Variants in COL14A1 observed in about 807,000 individuals in gnomAD.
The protein encoded by COL14A1 is collagen alpha-1(XIV) chain.
COL14A1 carries 136 observed loss-of-function variants against 230.3 expected under a neutral mutation model. The observed-to-expected ratio is 0.59, with a 90% CI of 0.51 to 0.68. The LOEUF (loss-of-function observed/expected upper bound fraction) is 0.68. Among genes scored for constraint, COL14A1 ranks in the 30% least tolerant of loss-of-function variants. COL14A1 has a pLI of 0.00. For missense variants in COL14A1, 1,976 were observed against 2,215.8 expected (o/e 0.89, Z 2.17); for synonymous variants, 792 against 784.1 (o/e 1.01, Z -0.17).
chr8:120,333,034 T>C (rs180729058), intron 42 of COL14A1, among the ~76,000 whole-genome samples: 45 of 152,358 alleles, frequency 3.0e-4, no homozygotes, highest in Admixed American at 2.2e-3. Flanking sequence ...TCTCCAGAGA[T>C]TGGGTACAAC....
At chr8:120,266,030 A>G (rs1819491888) in intron 24 of COL14A1, among the ~76,000 whole-genome samples, 1 of 152,076 alleles carries the variant, frequency 6.6e-6, no homozygotes, top group Non-Finnish European at 1.5e-5. Context: ...TGAGTATTAA[A>G]CTGGGATAGC....
At chr8:120,196,650 G>T (rs759316224) in intron 5 of COL14A1, 141 bp from the exon 6 acceptor site, 296 of 761,110 alleles carry the variant, frequency 3.9e-4, no homozygotes, top group Non-Finnish European at 5.4e-4. Flanking sequence ...ACATTTAAGG[G>T]AAGAGTTGTA....
chr8:120,153,667 C>T (rs1351901590), intron 2 of COL14A1, among the ~76,000 whole-genome samples: 1 of 152,202 alleles, frequency 6.6e-6, no homozygotes, highest in Admixed American at 6.5e-5. Context: ...TCTTTATCAG[C>T]CAGAAATTTT....
chr8:120,345,513 C>T lies in COL14A1; in HGVS notation c.5027C>T (p.Thr1676Ile), dbSNP rs1822473731. ...GAPGEQGPPG[T>I]PGFPGNAGVP... ...CCTGGTGAACAAGGACCCCCAGGCA[C>T]ACCAGGCTTCCCCGGAAATGCAGGC... Residue 1676 changes from threonine (T) to isoleucine (I), a missense_variant, in exon 45 of 48, where the codon ACA (threonine) becomes ATA (isoleucine). Physicochemically the swap from Thr to Ile is moderately conservative, Grantham distance 89 (BLOSUM62 -1). Coordinates refer to ENST00000297848, the MANE Select transcript of COL14A1 (RefSeq NM_021110.4). The T allele has an allele frequency of 3.2e-6, 5 of 1,580,484 alleles. No individual in the cohort carries two copies. In the South Asian group the frequency reaches 4.7e-5, roughly 15 times the overall value.
chr8:120,217,455 T>C (rs962382345), intron 14 of COL14A1, among the ~76,000 whole-genome samples: 1 of 152,184 alleles, frequency 6.6e-6, no homozygotes, highest in Non-Finnish European at 1.5e-5. Context: ...GAAGGAAATA[T>C]GTTAGATTGC....
chr8:120,278,394 G>A, intron 27 of COL14A1, 41 bp from the exon 28 acceptor site: 1 of 1,586,540 alleles, frequency 6.3e-7, no homozygotes, highest in Non-Finnish European at 8.6e-7. Flanking sequence ...AAACAAAAAT[G>A]GGAGGGAGTG....
chr8:120,268,313 C>T (rs1819559260), intron 25 of COL14A1, among the ~76,000 whole-genome samples: 1 of 151,612 alleles, frequency 6.6e-6, no homozygotes. Flanking sequence ...TGTGGTTATT[C>T]TCACTATTGG....
intron 46 of COL14A1, among the ~76,000 whole-genome samples, chr8:120,367,920 G>A (rs1586903927): frequency 6.6e-6 from 1 of 151,368 alleles, no homozygotes. Flanking sequence ...CTCCAGCCTG[G>A]GTGACAGAGG....
At chr8:120,140,316 G>A (rs568757506) in intron 1 of COL14A1, among the ~76,000 whole-genome samples, 1 of 150,458 alleles carries the variant, frequency 6.6e-6, no homozygotes, top group Admixed American at 6.6e-5. Context: ...CTCACCTAAG[G>A]TTCACTTTTC....
rs182037320 is a variant in COL14A1, at chr8:120,231,924, C to T, written c.2349+306C>T. On this transcript the variant is annotated intron_variant, in intron 19 of 47. Coordinates refer to ENST00000297848, the MANE Select transcript of COL14A1 (RefSeq NM_021110.4). ...AAGTTGGGTCATAAAAGGCCATATG[C>T]ACTTGTGTCTGTATATATGTATGTA... 3.3e-5 allele frequency: 9 copies of T among 273,428 alleles called. No individual in the cohort carries two copies. The East Asian group carries it at 6.8e-4, about 21-fold the overall frequency. The allele number at this position is 273,428 out of a possible 1,614,324, so 16.9% of individuals were successfully genotyped here.
At chr8:120,144,768 A>T (rs1381222669) in intron 1 of COL14A1, among the ~76,000 whole-genome samples, 2 of 152,186 alleles carry the variant, frequency 1.3e-5, no homozygotes, top group Admixed American at 6.5e-5. Context: ...TTAATATATA[A>T]AATCAATATC....
At chr8:120,199,693 G>A in intron 8 of COL14A1, 127 bp downstream of exon 8, 1 of 888,782 alleles carries the variant, frequency 1.1e-6, no homozygotes, top group Non-Finnish European at 1.7e-6. Context: ...CTTGGCACTT[G>A]TCATAGGCAG....
chr8:120,177,705 T>TATATAC (rs1205144639), intron 5 of COL14A1, among the ~76,000 whole-genome samples: 1 of 144,048 alleles, frequency 6.9e-6, no homozygotes, highest in African/African-American at 2.5e-5. Flanking sequence ...TATATATATA[T>TATATAC]ATATATACAT....
At chr8:120,149,550 C>T (rs527364718) in intron 2 of COL14A1, among the ~76,000 whole-genome samples, 1 of 152,290 alleles carries the variant, frequency 6.6e-6, no homozygotes, top group South Asian at 2.1e-4. Flanking sequence ...TTGCTAAGCC[C>T]TCCAGAGTTG....
At chr8:120,338,680 C>T (rs1044416231) in intron 42 of COL14A1, among the ~76,000 whole-genome samples, 4 of 152,156 alleles carry the variant, frequency 2.6e-5, no homozygotes, top group Admixed American at 2.6e-4. Flanking sequence ...GCTGAGTTAA[C>T]ATGCTAAGAA....
intron 22 of COL14A1, among the ~76,000 whole-genome samples, chr8:120,253,992 A>G (rs981864086): frequency 6.6e-6 from 1 of 152,222 alleles, no homozygotes; most frequent in Non-Finnish European, 1.5e-5. Context: ...TTAGGGGAAG[A>G]GAGATTGTTT....
Position 120,208,276 on chromosome 8 carries a change from G to A in COL14A1, c.1236G>A (p.Leu412=), listed in dbSNP as rs558868115. The A allele has an allele frequency of 1.9e-6, 3 of 1,613,496 alleles. No individual in the cohort carries two copies. Among genetic ancestry groups the A allele is most frequent in the East Asian group, 2.2e-5 (1 of 44,870 alleles). Residue 412 remains leucine, a synonymous_variant, in exon 11 of 48, where the codon TTG becomes TTA. Transcript: ENST00000297848. ...GTVSSTVLKN[L]MSLTEYQIAV... is the part of the protein sequence containing the mutation. ...TATCTTCCACAGTGTTGAAAAACTTGATGTCTTTAACTGAATATCAGATAG... is the reference window on the plus strand; with the variant it reads ...TATCTTCCACAGTGTTGAAAAACTTAATGTCTTTAACTGAATATCAGATAG...
At chr8:120,281,179 G>A in intron 31 of COL14A1, 120 bp downstream of exon 31, 3 of 901,702 alleles carry the variant, frequency 3.3e-6, no homozygotes, top group South Asian at 4.7e-5. Context: ...GACATTTAGA[G>A]TAGAAGATAT....
At chr8:120,166,558 A>G (rs1264888613) in intron 4 of COL14A1, among the ~76,000 whole-genome samples, 1 of 152,158 alleles carries the variant, frequency 6.6e-6, no homozygotes, top group East Asian at 1.9e-4. Flanking sequence ...CTCCAGCATC[A>G]CTCAGCACAA....
Sources: allele counts gnomAD v4.1 joint callset (sites outside exome capture counted in the v4.1 genomes callset), GRCh38; gene constraint gnomAD v4.1.1; transcripts MANE v1.5; gene names NCBI Gene and HGNC (gene_info 2026-07-23, HGNC 2026-07-21).